Variants in TSNARE1 observed in about 807,000 individuals in gnomAD.
The protein encoded by TSNARE1 is t-SNARE domain containing 1, also known as t-SNARE domain-containing protein 1.
A neutral mutation model predicts 62.0 loss-of-function variants in TSNARE1; 49 were observed. The observed-to-expected ratio is 0.79, with a 90% CI of 0.63 to 1.00. The LOEUF (loss-of-function observed/expected upper bound fraction) is 1.00. Among genes scored for constraint, TSNARE1 ranks in the 50% least tolerant of loss-of-function variants. TSNARE1 has a pLI of 0.00. For synonymous variants in TSNARE1, 328 were observed against 294.4 expected (o/e 1.11, Z -1.17); for missense variants, 755 against 700.1 (o/e 1.08, Z -0.88).
intron 13 of TSNARE1, among the ~76,000 whole-genome samples, chr8:142,222,324 TCACTCACTCGCTCACTCATC>T (rs1436362634): frequency 0.02 from 672 of 33,204 alleles, 14 homozygotes; most frequent in Non-Finnish European, 0.027. Flanking sequence ...ATCCACTAAT[TCACTCACTCGCTCACTCATC>T]CACTCACTCA....
intron 1 of TSNARE1, among the ~76,000 whole-genome samples, chr8:142,358,955 C>G: frequency 6.6e-6 from 1 of 152,080 alleles, no homozygotes; most frequent in East Asian, 1.9e-4. Context: ...GTGCCCACAC[C>G]GGCACCCAAG....
intron 12 of TSNARE1, among the ~76,000 whole-genome samples, chr8:142,251,676 C>T (rs1349990894): frequency 6.6e-6 from 1 of 152,190 alleles, no homozygotes; most frequent in African/African-American, 2.4e-5. Flanking sequence ...GCCTGGGCAC[C>T]ATATACCCAC....
intron 12 of TSNARE1, among the ~76,000 whole-genome samples, chr8:142,259,344 G>A (rs1216559624): frequency 2.0e-5 from 3 of 152,152 alleles, no homozygotes; most frequent in South Asian, 2.1e-4. Flanking sequence ...AAGTGGGCAC[G>A]GCCAGAGCTT....
intron 1 of TSNARE1, among the ~76,000 whole-genome samples, chr8:142,398,914 G>A (rs1005978685): frequency 6.6e-6 from 1 of 152,132 alleles, no homozygotes; most frequent in Admixed American, 6.5e-5. Context: ...AAGCCCACAC[G>A]GAGCCACCTT....
chr8:142,284,517 C>G (rs1431192925), intron 10 of TSNARE1, 32 bp from the exon 11 acceptor site: 1 of 1,595,404 alleles, frequency 6.3e-7, no homozygotes. Context: ...ACATCAGGAG[C>G]AGGGCTGTGG....
At chr8:142,378,512 C>T (rs1427266769) in intron 1 of TSNARE1, among the ~76,000 whole-genome samples, 1 of 152,160 alleles carries the variant, frequency 6.6e-6, no homozygotes, top group African/African-American at 2.4e-5. Flanking sequence ...CGCACTTGCA[C>T]AGCAAAAAGA....
chr8:142,229,322 T>C (rs1040149160), intron 13 of TSNARE1, among the ~76,000 whole-genome samples, 151 bp downstream of exon 13: 2 of 151,246 alleles, frequency 1.3e-5, no homozygotes, highest in Non-Finnish European at 2.9e-5. Flanking sequence ...GATGGGTAGA[T>C]GGATGGACAG....
intron 13 of TSNARE1, among the ~76,000 whole-genome samples, chr8:142,226,965 A>G (rs1563760328): frequency 7.6e-6 from 1 of 131,158 alleles, no homozygotes; most frequent in African/African-American, 4.0e-5. Flanking sequence ...CACTGCACCC[A>G]CACGGCAGTG....
chr8:142,246,184 G>C (rs779250052), intron 12 of TSNARE1, among the ~76,000 whole-genome samples: 11 of 152,082 alleles, frequency 7.2e-5, no homozygotes, highest in Non-Finnish European at 1.6e-4. Flanking sequence ...TGTCCTCAGT[G>C]GCCAGCCCTG....
intron 1 of TSNARE1, among the ~76,000 whole-genome samples, chr8:142,402,424 G>A (rs1838361273): frequency 2.0e-5 from 3 of 152,370 alleles, no homozygotes; most frequent in South Asian, 4.1e-4. Flanking sequence ...ATGCCTAGGG[G>A]CTACCACACT....
At chr8:142,308,492 C>T (rs573040213) in intron 9 of TSNARE1, among the ~76,000 whole-genome samples, 93 of 152,296 alleles carry the variant, frequency 6.1e-4, no homozygotes, top group Non-Finnish European at 1.1e-3. Context: ...CAGTCCACCT[C>T]GGCCACAAAC....
At chr8:142,312,673 G>A (rs1020199101) in intron 9 of TSNARE1, among the ~76,000 whole-genome samples, 7 of 152,064 alleles carry the variant, frequency 4.6e-5, no homozygotes, top group East Asian at 1.9e-4. Flanking sequence ...CTCACATCAC[G>A]CACACACCAG....
rs778711494 is a variant in TSNARE1 at position 142,300,655 on chromosome 8, C to T, written c.1132-11G>A. 1.2e-6 allele frequency: 2 copies of T among 1,610,358 alleles called. No individual in the cohort carries two copies. Among genetic ancestry groups the T allele is most frequent in the Non-Finnish European group, 8.5e-7 (1 of 1,177,984 alleles). On this transcript the variant is annotated splice_polypyrimidine_tract_variant and intron_variant, in intron 9 of 13. Transcript: ENST00000524325. ...CGGGGCCTGGGGACTCTGCTGATGA[C>T]AGACAGATCTTGTTAGCACTGACCC...
At chr8:142,277,347 AACTG>A (rs1368008114) in intron 11 of TSNARE1, 1 of 985,214 alleles carries the variant, frequency 1.0e-6, no homozygotes, top group Non-Finnish European at 1.2e-6. Context: ...CCTCAAAGGA[AACTG>A]CCTGCCCAGT....
rs572151540 is a variant in TSNARE1, at chr8:142,368,192, T to G, written c.-39-13429A>C. 2.0e-5 allele frequency among the ~76,000 whole-genome samples: 3 copies of G among 150,650 alleles called. No homozygotes were observed. In the East Asian group the frequency reaches 5.8e-4, roughly 29 times the overall value. ...CAACAGACAAGCAGGGAGAAAAGAT[T>G]TGCAACATATGCCAAAGGACGAATA... is the stretch of plus-strand genomic sequence containing the variant. On this transcript the variant is annotated intron_variant, in intron 1 of 13. Transcript: ENST00000524325.
intron 10 of TSNARE1, among the ~76,000 whole-genome samples, chr8:142,285,256 G>A (rs1430710681): frequency 3.9e-5 from 5 of 127,420 alleles, no homozygotes; most frequent in East Asian, 2.0e-4. Context: ...GGATGGATGC[G>A]TAGGTGGATG....
chr8:142,357,648 C>G (rs1263630156), intron 1 of TSNARE1, among the ~76,000 whole-genome samples: 1 of 152,188 alleles, frequency 6.6e-6, no homozygotes, highest in Non-Finnish European at 1.5e-5. Flanking sequence ...AGTGCTTTGA[C>G]TTCCTCGTGC....
chr8:142,293,704 C>T (rs1824197224), intron 10 of TSNARE1, among the ~76,000 whole-genome samples: 1 of 152,220 alleles, frequency 6.6e-6, no homozygotes, highest in South Asian at 2.1e-4. Flanking sequence ...GGCTGCCAGA[C>T]AGCTCTGGCC....
At chr8:142,300,353 C>G in intron 10 of TSNARE1, 133 bp downstream of exon 10, 1 of 1,049,298 alleles carries the variant, frequency 9.5e-7, no homozygotes, top group Admixed American at 2.8e-5. Context: ...ATGGGCAAGG[C>G]CATGGAGGCC....
Sources: gnomAD v4.1 joint callset for allele counts (sites outside exome capture counted in the v4.1 genomes callset) on GRCh38, gnomAD v4.1.1 for gene constraint, MANE v1.5 for transcripts, NCBI Gene and HGNC (gene_info 2026-07-23, HGNC 2026-07-21) for gene names.